The following BBS9 variants were observed in gnomAD, a reference collection of about 807,000 sequenced individuals.
BBS9 encodes protein PTHB1.
BBS9 carries 89 observed loss-of-function variants against 117.7 expected under a neutral mutation model. The observed-to-expected ratio is 0.76, with a 90% CI of 0.64 to 0.90. The LOEUF (loss-of-function observed/expected upper bound fraction) is 0.90. Among genes scored for constraint, BBS9 ranks in the 40% least tolerant of loss-of-function variants. The pLI is 0.00. For missense variants in BBS9, 982 were observed against 1,042.2 expected (o/e 0.94, Z 0.80); for synonymous variants, 379 against 370.9 (o/e 1.02, Z -0.25).
At chr7:33,504,556 C>A (rs1585050267) in intron 19 of BBS9, among the ~76,000 whole-genome samples, 1 of 152,046 alleles carries the variant, frequency 6.6e-6, no homozygotes, top group East Asian at 1.9e-4. Flanking sequence ...CTGGTGGGGG[C>A]TTGTAGAAAG....
At chr7:33,384,683 T>C (rs2128750313) in intron 18 of BBS9, among the ~76,000 whole-genome samples, 1 of 149,864 alleles carries the variant, frequency 6.7e-6, no homozygotes, top group East Asian at 2.0e-4. Flanking sequence ...AGTTTAGGAG[T>C]GTGTGTGCAT....
Position 33,324,333 on chromosome 7 carries a change from A to G in BBS9, c.1017-12108A>G, listed in dbSNP as rs186703825. 4.6e-4 allele frequency among the ~76,000 whole-genome samples: 70 copies of G among 152,366 alleles called. 1 individual carries two copies. In the East Asian group the frequency reaches 0.013, roughly 27 times the overall value. Reference sequence around the variant, plus strand: ...TCATAAACAAGCAAACAAATCAAAGAAACAAAGAGAAGACTAATAAAAACT... The same window carrying G: ...TCATAAACAAGCAAACAAATCAAAGGAACAAAGAGAAGACTAATAAAAACT... On this transcript the variant is annotated intron_variant, in intron 9 of 22. Transcript: ENST00000242067.
chr7:33,578,263 A>G (rs558069136), intron 21 of BBS9, among the ~76,000 whole-genome samples: 2 of 152,298 alleles, frequency 1.3e-5, no homozygotes, highest in South Asian at 2.1e-4. Context: ...ATTTTAAGCA[A>G]TTTGCCCCAG....
chr7:33,352,926 G>T, intron 15 of BBS9, 53 bp downstream of exon 15: 3 of 1,548,622 alleles, frequency 1.9e-6, no homozygotes, highest in South Asian at 1.1e-5. Context: ...GAAATTTGAT[G>T]AATTGAATTG....
chr7:33,577,813 A>G (rs1859182767), intron 21 of BBS9, among the ~76,000 whole-genome samples: 1 of 152,226 alleles, frequency 6.6e-6, no homozygotes, highest in African/African-American at 2.4e-5. Flanking sequence ...CAGAAAACCA[A>G]ACACCGCATG....
At chr7:33,192,601 G>A (rs1219061786) in intron 5 of BBS9, among the ~76,000 whole-genome samples, 1 of 152,096 alleles carries the variant, frequency 6.6e-6, no homozygotes, top group Non-Finnish European at 1.5e-5. Context: ...AATGACTTTC[G>A]TTACATTAAA....
downstream of BBS9, among the ~76,000 whole-genome samples, chr7:33,606,737 A>G (rs1864591105): frequency 6.6e-6 from 1 of 152,036 alleles, no homozygotes; most frequent in Non-Finnish European, 1.5e-5. Flanking sequence ...ATTTTGAATC[A>G]ATTATCTCCT....
intron 9 of BBS9, among the ~76,000 whole-genome samples, chr7:33,329,530 AT>A (rs1267229997): frequency 5.3e-5 from 8 of 152,146 alleles, no homozygotes; most frequent in African/African-American, 9.7e-5. Context: ...ATAAGATATG[AT>A]TTTTAATGGT....
chr7:33,566,179 G>T (rs1255777312), intron 21 of BBS9, among the ~76,000 whole-genome samples: 2 of 151,518 alleles, frequency 1.3e-5, no homozygotes, highest in Non-Finnish European at 2.9e-5. Context: ...GGAAAAGATT[G>T]GTTCTCATTA....
intron 21 of BBS9, among the ~76,000 whole-genome samples, chr7:33,569,806 G>A (rs1207869914): frequency 6.6e-6 from 1 of 151,998 alleles, no homozygotes; most frequent in East Asian, 1.9e-4. Flanking sequence ...TAAAATAGAC[G>A]AATGTGTGCA....
At chr7:33,574,811 A>G (rs1402971777) in intron 21 of BBS9, among the ~76,000 whole-genome samples, 1 of 124,996 alleles carries the variant, frequency 8.0e-6, no homozygotes, top group Non-Finnish European at 1.5e-5. Context: ...AGGTTATTTC[A>G]GAGTGAGTGG....
chr7:33,450,645 A>G (rs1034775560), intron 19 of BBS9, among the ~76,000 whole-genome samples: 5 of 152,104 alleles, frequency 3.3e-5, no homozygotes, highest in African/African-American at 4.8e-5. Context: ...ATCTTTTCCT[A>G]TGCGTCTTGG....
At chr7:33,615,362 A>G (rs1325318518) in intron 21 of BBS9, among the ~76,000 whole-genome samples, 1 of 152,104 alleles carries the variant, frequency 6.6e-6, no homozygotes, top group African/African-American at 2.4e-5. Context: ...AATAAACAGC[A>G]TGCTAGAACA....
chr7:33,244,290 A>C (rs1794998927), intron 5 of BBS9, among the ~76,000 whole-genome samples: 2 of 152,170 alleles, frequency 1.3e-5, no homozygotes, highest in South Asian at 2.1e-4. Flanking sequence ...AAGGCTGACA[A>C]CCCTACGATG....
intron 19 of BBS9, among the ~76,000 whole-genome samples, chr7:33,501,367 G>A (rs949563781): frequency 6.6e-6 from 1 of 152,214 alleles, no homozygotes; most frequent in Admixed American, 6.5e-5. Context: ...AGGTCAGGAA[G>A]ATTTTCCTTG....
At chr7:33,417,594 C>T (rs922310948) in intron 19 of BBS9, among the ~76,000 whole-genome samples, 1 of 152,176 alleles carries the variant, frequency 6.6e-6, no homozygotes, top group African/African-American at 2.4e-5. Context: ...TTAGGTTTAT[C>T]CAGGCTCTAA....
chr7:33,328,992 C>A (rs563335160), intron 9 of BBS9, among the ~76,000 whole-genome samples: 1 of 112,602 alleles, frequency 8.9e-6, no homozygotes, highest in Non-Finnish European at 1.9e-5. Flanking sequence ...GGTTTTCCTT[C>A]TTTTATTTAT....
intron 19 of BBS9, among the ~76,000 whole-genome samples, chr7:33,432,309 C>T (rs1212054783): frequency 1.3e-5 from 2 of 150,824 alleles, no homozygotes; most frequent in African/African-American, 4.9e-5. Flanking sequence ...CGGGGTTTCA[C>T]CGTGTTAGCC....
At chr7:33,594,598 G>A (rs1401754086) in intron 21 of BBS9, among the ~76,000 whole-genome samples, 3 of 152,074 alleles carry the variant, frequency 2.0e-5, no homozygotes, top group Non-Finnish European at 2.9e-5. Flanking sequence ...GGTTAAGGGG[G>A]TTTTGCCTCT....
Sources: gnomAD v4.1 joint callset for allele counts (sites outside exome capture counted in the v4.1 genomes callset) on GRCh38, gnomAD v4.1.1 for gene constraint, MANE v1.5 for transcripts, NCBI Gene and HGNC (gene_info 2026-07-23, HGNC 2026-07-21) for gene names.